CELA3A: variants seen among roughly 807,000 people sequenced by gnomAD.
CELA3A encodes the protein chymotrypsin-like elastase family member 3A.
Under a neutral mutation model 38.6 loss-of-function variants are expected in CELA3A, and 35 were observed. That is an observed-to-expected ratio of 0.91 (90% CI 0.69 to 1.20). The LOEUF is 1.20. CELA3A is among the 50% of genes most tolerant of loss of function. The probability of loss-of-function intolerance (pLI) is 0.00; values close to 1 mark genes in which losing one functional copy is unlikely to be tolerated. For missense variants in CELA3A, 343 were observed against 354.2 expected (o/e 0.97, Z 0.25); for synonymous variants, 143 against 136.7 (o/e 1.05, Z -0.32).
At chr1:22,003,197 C>T (rs1644928755) in intron 2 of CELA3A, 109 bp downstream of exon 2, 2 of 1,143,948 alleles carry the variant, frequency 1.7e-6, no homozygotes. Context: ...ATGTCCACTT[C>T]AGCTTCCAAA....
rs1164254071 is a variant in CELA3A, at chr1:22,005,737, C to G, written c.303C>G (p.Pro101=). 1.9e-6 allele frequency: 3 copies of G among 1,612,342 alleles called. No individual in the cohort carries two copies. The African/African-American group carries it at 4.0e-5, about 22-fold the overall frequency. Residue 101 remains proline (P), a synonymous_variant, in exon 4 of 8, where the codon CCC becomes CCG. Transcript: ENST00000290122. ...AVKEGPEQVI[P]INSEELFVHP... ...AGGAGGGCCCCGAGCAGGTGATCCCCATCAACTCTGAGGAGCTGTTTGTGC... is the reference window on the plus strand; with the variant it reads ...AGGAGGGCCCCGAGCAGGTGATCCCGATCAACTCTGAGGAGCTGTTTGTGC...
rs1486795245 is a variant in CELA3A at position 22,009,509 on chromosome 1, G to T, written c.643-196G>T. On this transcript the variant is annotated intron_variant, in intron 6 of 7. Transcript: ENST00000290122. ...GGAGGTTGCAATGAGCCAAGCTTGC[G>T]CCACTGCACTCCAGCCTGGACAGCA... Among the ~76,000 whole-genome samples the T allele has an allele frequency of 5.4e-4, 82 of 150,732 alleles. 2 individuals are homozygous for T. The highest frequency in any genetic ancestry group is 2.7e-3 in the South Asian group (13 of 4,752).
rs768952583 is a variant in CELA3A at position 22,001,729 on chromosome 1, A to G, written c.43+12A>G. The G allele has an allele frequency of 5.6e-6, 9 of 1,611,974 alleles. No homozygotes were observed. The South Asian group carries it at 8.8e-5, about 16-fold the overall frequency. On this transcript the variant is annotated intron_variant, in intron 1 of 7. Transcript: ENST00000290122. ...CCTTGTGGCCGTTGGTAAGACCCCA[A>G]CCTGTCTGTGTGCTCCCTGGGCTGC...
chr1:22,011,004 A>C (rs1220680164), intron 7 of CELA3A: 2 of 151,434 alleles, frequency 1.3e-5, no homozygotes, highest in African/African-American at 2.4e-5. Flanking sequence ...TTGGCAGCAC[A>C]TGTACTAAAA....
intron 7 of CELA3A, among the ~76,000 whole-genome samples, chr1:22,012,235 G>A (rs200759132): frequency 7.9e-6 from 1 of 126,324 alleles, no homozygotes; most frequent in Non-Finnish European, 1.6e-5. Flanking sequence ...TTTGTGCTGG[G>A]CATTGTAAAG....
chr1:22,007,549 G>A, intron 6 of CELA3A, 34 bp downstream of exon 6: 7 of 1,596,116 alleles, frequency 4.4e-6, no homozygotes, highest in Non-Finnish European at 6.0e-6. Context: ...AGGTGGTGCT[G>A]GGTGTGCAGG....
Position 22,003,010 on chromosome 1 carries a change from C to A in CELA3A, c.51C>A (p.Gly17=), listed in dbSNP as rs368374089. Residue 17 remains glycine (G), a synonymous_variant, in exon 2 of 8, where the codon GGC becomes GGA. Transcript: ENST00000290122. ...CTCTCCTCTCCCCTCTAGCCTCAGG[C>A]TATGGCCCACCTTCCTCTCACTCTT... is the stretch of plus-strand genomic sequence containing the variant. ...SSLLLVAVAS[G]YGPPSSHSSS... 11 of 1,576,714 alleles carry A rather than the reference C, an allele frequency of 7.0e-6. 3 individuals carry two copies. The African/African-American group carries it at 1.3e-4, about 19-fold the overall frequency.
In CELA3A at chr1:22,012,256, T is replaced by A. The variant is rs1644987239; in HGVS notation, c.796-194T>A. Among the ~76,000 whole-genome samples, 4 of 125,562 alleles carry A rather than the reference T, an allele frequency of 3.2e-5. 1 individual carries two copies. Among genetic ancestry groups the A allele is most frequent in the Admixed American group, 9.1e-5 (1 of 10,972 alleles). 82.4% of individuals were successfully genotyped at this position (125,562 alleles called of 152,430 possible). On this transcript the variant is annotated intron_variant, in intron 7 of 7. Coordinates refer to ENST00000290122, the MANE Select transcript of CELA3A (RefSeq NM_005747.5). ...CTGGGCATTGTAAAGAGAACCTTAG[T>A]TAACAATTTAATCAAGAACCCCCCC...
chr1:22,002,118 A>G (rs1644922119), intron 1 of CELA3A, among the ~76,000 whole-genome samples: 1 of 151,052 alleles, frequency 6.6e-6, no homozygotes. Flanking sequence ...GCCATATTAC[A>G]TTCCAGCTCA....
chr1:22,010,334 A>G (rs1644976222), intron 7 of CELA3A: 1 of 367,516 alleles, frequency 2.7e-6, no homozygotes, highest in African/African-American at 2.2e-5. Context: ...AAAGAGAGTA[A>G]TAGCTGGGCA....
intron 7 of CELA3A, among the ~76,000 whole-genome samples, chr1:22,011,488 C>T (rs1482661320): frequency 4.7e-5 from 6 of 128,756 alleles, no homozygotes; most frequent in Admixed American, 1.7e-4. Flanking sequence ...AGGCCAGGCA[C>T]GGTGGCTCAT....
At chr1:22,009,627 T>G in intron 6 of CELA3A, 78 bp from the exon 7 acceptor site, 2 of 1,538,438 alleles carry the variant, frequency 1.3e-6, no homozygotes, top group South Asian at 1.2e-5. Context: ...CAGAGTTTCT[T>G]GAAATCCCTA....
intron 2 of CELA3A, among the ~76,000 whole-genome samples, chr1:22,003,629 C>T (rs1456889192): frequency 4.0e-5 from 6 of 150,254 alleles, no homozygotes; most frequent in African/African-American, 7.4e-5. Context: ...TGCAGTGAGA[C>T]AAGATTGCAC....
In CELA3A at chr1:22,009,141, G is replaced by A. The variant is rs985478818; in HGVS notation, c.643-564G>A. 1.7e-4 allele frequency among the ~76,000 whole-genome samples: 26 copies of A among 151,206 alleles called. 1 individual carries two copies. The highest frequency in any genetic ancestry group is 1.2e-3 in the East Asian group (6 of 5,142). On this transcript the variant is annotated intron_variant, in intron 6 of 7. Transcript: ENST00000290122. ...AGCACTTCGGGAGGCTGAGGCGGGC[G>A]GATCACGTGGTCAGGAGATCGAGAC... is the stretch of plus-strand genomic sequence containing the variant.
At position 22,005,648 on chromosome 1, in the gene CELA3A, A is replaced by G; in HGVS notation, c.228-14A>G. ...AGCCAGTCAGGCCCCGACTGACCTCACCTCTGCCTGCAGGAGGGATCTGAC... is the reference window on the plus strand; with the variant it reads ...AGCCAGTCAGGCCCCGACTGACCTCGCCTCTGCCTGCAGGAGGGATCTGAC... On this transcript the variant is annotated splice_polypyrimidine_tract_variant and intron_variant, in intron 3 of 7. Transcript: ENST00000290122. 6.2e-7 allele frequency: 1 copy of G among 1,612,052 alleles called. No homozygotes were observed. Among genetic ancestry groups the G allele is most frequent in the Non-Finnish European group, 8.5e-7 (1 of 1,179,348 alleles).
At chr1:22,004,716 T>A (rs571300571) in intron 2 of CELA3A, among the ~76,000 whole-genome samples, 1 of 151,424 alleles carries the variant, frequency 6.6e-6, no homozygotes, top group Non-Finnish European at 1.5e-5. Flanking sequence ...AAAATCAGAA[T>A]GTGTAGGAAA....
chr1:22,004,355 A>G lies in CELA3A; in HGVS notation c.130-1092A>G, dbSNP rs374632507. ...CCCACAGTGCTGGGATTATAGGCGT[A>G]AGCCACCATGCTTGGCCTGCTTGCC... On this transcript the variant is annotated intron_variant, in intron 2 of 7. Transcript: ENST00000290122. Among the ~76,000 whole-genome samples, 283 of 148,124 alleles carry G rather than the reference A, an allele frequency of 1.9e-3. 1 individual carries two copies. The highest frequency in any genetic ancestry group is 2.4e-3 in the East Asian group (12 of 5,000).
chr1:22,010,205 C>T (rs1451514843), intron 7 of CELA3A: 28 of 380,926 alleles, frequency 7.4e-5, no homozygotes, highest in Middle Eastern at 5.4e-4. Flanking sequence ...TGAATGAGAA[C>T]GATGCAGTCT....
At chr1:22,012,416 T>C (rs1644987651) in intron 7 of CELA3A, 34 bp from the exon 8 acceptor site, 2 of 1,184,854 alleles carry the variant, frequency 1.7e-6, no homozygotes, top group Non-Finnish European at 2.3e-6. Flanking sequence ...TGCTCCTAAA[T>C]TGACTATTCT....
Sources: allele counts gnomAD v4.1 joint callset (sites outside exome capture counted in the v4.1 genomes callset), GRCh38; gene constraint gnomAD v4.1.1; transcripts MANE v1.5; gene names NCBI Gene and HGNC (gene_info 2026-07-23, HGNC 2026-07-21).